Variants in CEP112 observed in about 807,000 individuals in gnomAD.
The protein encoded by CEP112 is centrosomal protein of 112 kDa.
CEP112 carries 127 observed loss-of-function variants against 153.0 expected under a neutral mutation model. That is an observed-to-expected ratio of 0.83 (90% confidence interval 0.72 to 0.96). CEP112 has a LOEUF of 0.96. Ranked by LOEUF, CEP112 falls within the 40% of genes least tolerant of loss-of-function variation. CEP112 has a pLI of 0.00. For missense variants in CEP112, 1,089 were observed against 1,101.2 expected, an observed-to-expected ratio of 0.99 and a Z score of 0.16; for synonymous variants, 358 against 374.4, an observed-to-expected ratio of 0.96 and a Z score of 0.51.
chr17:66,087,032 A>C (rs909743215), intron 8 of CEP112, among the ~76,000 whole-genome samples: 7 of 152,210 alleles, frequency 4.6e-5, no homozygotes, highest in African/African-American at 1.7e-4. Flanking sequence ...AATTGCACAA[A>C]GGATTATTTT....
chr17:65,951,592 T>C (rs936615115), intron 18 of CEP112, among the ~76,000 whole-genome samples: 15 of 152,170 alleles, frequency 9.9e-5, no homozygotes, highest in African/African-American at 3.1e-4. Context: ...CTCCTAACTT[T>C]GGCAATTTCT....
At chr17:66,071,298 T>C (rs2067300445) in intron 8 of CEP112, among the ~76,000 whole-genome samples, 1 of 152,090 alleles carries the variant, frequency 6.6e-6, no homozygotes, top group Admixed American at 6.6e-5. Context: ...AAAAATTCAA[T>C]TCCCTTGCCT....
At chr17:65,970,377 T>TCATGCATGTAAATTACATGCACACAC (rs1568313593) in intron 17 of CEP112, among the ~76,000 whole-genome samples, 1 of 71,000 alleles carries the variant, frequency 1.4e-5, no homozygotes, top group Non-Finnish European at 3.4e-5. Flanking sequence ...CATGCACACA[T>TCATGCATGTAAATTACATGCACACAC]CATGCATATA....
chr17:65,877,076 G>A (rs1331416411), intron 20 of CEP112, among the ~76,000 whole-genome samples: 5 of 152,168 alleles, frequency 3.3e-5, no homozygotes, highest in South Asian at 2.1e-4. Flanking sequence ...AGCTCTGCAC[G>A]TGTGTGTGGC....
chr17:66,083,082 G>A (rs2067785209), intron 8 of CEP112, among the ~76,000 whole-genome samples: 1 of 152,052 alleles, frequency 6.6e-6, no homozygotes, highest in African/African-American at 2.4e-5. Flanking sequence ...GATATGGTTT[G>A]GCTGTGTCCT....
intron 24 of CEP112, among the ~76,000 whole-genome samples, chr17:65,646,831 G>A (rs748664937): frequency 2.6e-5 from 4 of 152,200 alleles, no homozygotes; most frequent in South Asian, 2.1e-4. Context: ...GGGATGGGGC[G>A]TTGAACTGCA....
intron 6 of CEP112, among the ~76,000 whole-genome samples, chr17:66,116,616 C>T (rs1004074203): frequency 5.9e-5 from 9 of 151,988 alleles, no homozygotes; most frequent in South Asian, 2.1e-4. Context: ...GATGAAAACA[C>T]GGAAAGGGAA....
intron 4 of CEP112, among the ~76,000 whole-genome samples, chr17:66,163,543 A>G (rs76656589): frequency 0.021 from 3,198 of 152,236 alleles, 48 homozygotes; most frequent in Non-Finnish European, 0.034. Context: ...TTAATTTTTC[A>G]AAAAGAACTT....
At chr17:65,681,355 C>T (rs1042833895) in intron 24 of CEP112, among the ~76,000 whole-genome samples, 1 of 152,046 alleles carries the variant, frequency 6.6e-6, no homozygotes, top group African/African-American at 2.4e-5. Flanking sequence ...TACCAATCTG[C>T]TCATGGCCCT....
At chr17:65,921,862 A>C (rs2060740948) in intron 19 of CEP112, among the ~76,000 whole-genome samples, 1 of 152,164 alleles carries the variant, frequency 6.6e-6, no homozygotes, top group African/African-American at 2.4e-5. Flanking sequence ...AAGCCTTTGA[A>C]GTTTACATGC....
chr17:66,066,817 G>A lies in CEP112; in HGVS notation c.916C>T (p.His306Tyr), dbSNP rs1308842794. 6.4e-7 allele frequency: 1 copy of A among 1,552,372 alleles called. No homozygotes were observed. Among genetic ancestry groups the A allele is most frequent in the Non-Finnish European group, 8.7e-7 (1 of 1,152,362 alleles). Reference protein sequence around the residue: ...ELKTLYRSKQHETEETIRKLE... With the variant: ...ELKTLYRSKQYETEETIRKLE... Reference sequence around the variant, plus strand: ...TTTCTAATAGTCTCTTCAGTTTCATGTTGTTTACTCCTGTATAAAGTTTTC... The same window carrying A: ...TTTCTAATAGTCTCTTCAGTTTCATATTGTTTACTCCTGTATAAAGTTTTC... The change falls in exon 10 of 27, where the codon CAT becomes TAT. Residue 306 changes from histidine to tyrosine, a missense_variant. Coordinates refer to ENST00000535342, the MANE Select transcript of CEP112 (RefSeq NM_001199165.4).
chr17:65,756,076 A>T (rs572075015), intron 21 of CEP112, among the ~76,000 whole-genome samples: 2 of 152,282 alleles, frequency 1.3e-5, no homozygotes, highest in African/African-American at 4.8e-5. Context: ...AGGCTGGGAC[A>T]TGAGGAGGAA....
chr17:65,916,623 T>C (rs1412127432), intron 19 of CEP112, among the ~76,000 whole-genome samples: 2 of 151,760 alleles, frequency 1.3e-5, no homozygotes, highest in Non-Finnish European at 1.5e-5. Flanking sequence ...CAAAGCTCAC[T>C]GTAACCTTGA....
chr17:65,666,826 AATT>A (rs1354364686), intron 24 of CEP112, among the ~76,000 whole-genome samples: 1 of 152,146 alleles, frequency 6.6e-6, no homozygotes, highest in Non-Finnish European at 1.5e-5. Flanking sequence ...ATTCTTTTCA[AATT>A]ATTATACTCT....
intron 21 of CEP112, among the ~76,000 whole-genome samples, chr17:65,766,583 G>A (rs183332402): frequency 6.6e-6 from 1 of 152,006 alleles, no homozygotes; most frequent in African/African-American, 2.4e-5. Context: ...CAAAGACACA[G>A]AGTAGTTCAA....
chr17:65,763,495 G>GT (rs986839179), intron 21 of CEP112, among the ~76,000 whole-genome samples: 90 of 148,416 alleles, frequency 6.1e-4, no homozygotes, highest in African/African-American at 1.9e-3. Flanking sequence ...ATATTTTATT[G>GT]TTTTTTTTCA....
intron 21 of CEP112, among the ~76,000 whole-genome samples, chr17:65,802,253 T>C (rs1043728974): frequency 1.3e-5 from 2 of 152,156 alleles, no homozygotes; most frequent in Admixed American, 1.3e-4. Flanking sequence ...TACTCTGTCA[T>C]TTTCCCTGAC....
rs545739764 is a variant in CEP112 at position 65,837,488 on chromosome 17, C to T, written c.2394+14316G>A. On this transcript the variant is annotated intron_variant, in intron 21 of 26. Transcript: ENST00000535342. ...TGGGAACTGAGGAGTGTCTCTGCCCCGCTGCCACCCCGTCTGGGAGGTGAG... is the reference window on the plus strand; with the variant it reads ...TGGGAACTGAGGAGTGTCTCTGCCCTGCTGCCACCCCGTCTGGGAGGTGAG... 1.4e-3 allele frequency among the ~76,000 whole-genome samples: 215 copies of T among 151,114 alleles called. 4 individuals are homozygous for T. The South Asian group carries it at 0.023, about 16-fold the overall frequency.
At chr17:65,800,985 C>A (rs1249011895) in intron 21 of CEP112, among the ~76,000 whole-genome samples, 1 of 152,134 alleles carries the variant, frequency 6.6e-6, no homozygotes, top group Non-Finnish European at 1.5e-5. Flanking sequence ...TGTTGACTTG[C>A]AAAATTCTTT....
Sources: allele counts gnomAD v4.1 joint callset (sites outside exome capture counted in the v4.1 genomes callset), GRCh38; gene constraint gnomAD v4.1.1; transcripts MANE v1.5; gene names NCBI Gene and HGNC (gene_info 2026-07-23, HGNC 2026-07-21).